Variants in CSNK2A2IP observed in about 807,000 individuals in gnomAD.
The protein encoded by CSNK2A2IP is casein kinase 2 subunit alpha' interacting protein, also known as casein kinase II subunit alpha'-interacting protein.
At chr3:88,435,157 G>A in the CSNK2A2IP span, among the ~76,000 whole-genome samples, 2 of 152,108 alleles carry the variant, frequency 1.3e-5, no homozygotes, top group Non-Finnish European at 2.9e-5. Flanking sequence ...CTTTCTAAAT[G>A]TAAATTGTGA....
At chr3:88,443,562 A>G in the CSNK2A2IP span, among the ~76,000 whole-genome samples, 4 of 152,096 alleles carry the variant, frequency 2.6e-5, no homozygotes, top group Admixed American at 2.6e-4. Context: ...TCTGAAGGTT[A>G]TTTATTCTTT....
the CSNK2A2IP span, among the ~76,000 whole-genome samples, chr3:88,449,803 G>A: frequency 8.6e-6 from 1 of 116,502 alleles, no homozygotes; most frequent in Non-Finnish European, 1.8e-5. Context: ...TTGGAAAAAA[G>A]TTATTTTTTA....
At chr3:88,372,219 A>G in the CSNK2A2IP span, among the ~76,000 whole-genome samples, 1 of 151,798 alleles carries the variant, frequency 6.6e-6, no homozygotes, top group African/African-American at 2.4e-5. Context: ...ACATTGATGT[A>G]TTAGGTTGGT....
At chr3:88,401,607 A>T in the CSNK2A2IP span, among the ~76,000 whole-genome samples, 2 of 152,090 alleles carry the variant, frequency 1.3e-5, no homozygotes, top group Admixed American at 1.3e-4. Context: ...TAGGAGAAAG[A>T]TAGGTTTATT....
chr3:88,365,623 A>G, the CSNK2A2IP span, among the ~76,000 whole-genome samples: 1 of 152,150 alleles, frequency 6.6e-6, no homozygotes, highest in East Asian at 1.9e-4. Context: ...CCTTCCCAAG[A>G]AAAGATCCTT....
chr3:88,422,175 G>A, the CSNK2A2IP span, among the ~76,000 whole-genome samples: 1 of 152,082 alleles, frequency 6.6e-6, no homozygotes, highest in Non-Finnish European at 1.5e-5. Flanking sequence ...GTATCCATTT[G>A]TAAGTAAATT....
At chr3:88,339,111 T>A in the CSNK2A2IP span, among the ~76,000 whole-genome samples, 1 of 152,076 alleles carries the variant, frequency 6.6e-6, no homozygotes, top group Non-Finnish European at 1.5e-5. Context: ...AAATTAGTGT[T>A]AACTATAGTC....
At chr3:88,457,687 C>A in the CSNK2A2IP span, among the ~76,000 whole-genome samples, 2 of 89,710 alleles carry the variant, frequency 2.2e-5, no homozygotes, top group East Asian at 5.3e-4. Context: ...AAGAGTGAGA[C>A]TCAGTCTCAA....
At chr3:88,416,271 TAAA>T in the CSNK2A2IP span, among the ~76,000 whole-genome samples, 1 of 117,980 alleles carries the variant, frequency 8.5e-6, no homozygotes, top group Non-Finnish European at 1.8e-5. Flanking sequence ...GACTCCCTAT[TAAA>T]AAAAAAAAAA....
chr3:88,344,885 TAAAAG>T, the CSNK2A2IP span, among the ~76,000 whole-genome samples: 2 of 151,972 alleles, frequency 1.3e-5, no homozygotes, highest in South Asian at 4.1e-4. Context: ...ACATCTGAAA[TAAAAG>T]AAAAATGCCA....
chr3:88,449,158 T>C, the CSNK2A2IP span, among the ~76,000 whole-genome samples: 1 of 152,194 alleles, frequency 6.6e-6, no homozygotes, highest in South Asian at 2.1e-4. Context: ...TTGTTTTTAT[T>C]TGGTGAACTT....
the CSNK2A2IP span, among the ~76,000 whole-genome samples, chr3:88,442,063 G>C: frequency 1.3e-5 from 2 of 152,166 alleles, no homozygotes; most frequent in African/African-American, 2.4e-5. Context: ...ACCAGATTTA[G>C]AAGGCCAAAA....
At chr3:88,466,188 G>C in the CSNK2A2IP span, 129 of 1,231,386 alleles carry the variant, frequency 1.0e-4, no homozygotes, top group Non-Finnish European at 2.3e-5. Context: ...TTGACTCTAG[G>C]CTTCAGAAAA....
chr3:88,406,941 G>A, the CSNK2A2IP span, among the ~76,000 whole-genome samples: 1 of 152,334 alleles, frequency 6.6e-6, no homozygotes, highest in South Asian at 2.1e-4. Flanking sequence ...GGAGGTGAGG[G>A]GGAGTATTCC....
chr3:88,422,020 TA>T, the CSNK2A2IP span, among the ~76,000 whole-genome samples: 1 of 152,150 alleles, frequency 6.6e-6, no homozygotes, highest in Non-Finnish European at 1.5e-5. Flanking sequence ...ATTAGCAAAA[TA>T]TTGTCCATCT....
chr3:88,449,664 TCAAA>T, the CSNK2A2IP span, among the ~76,000 whole-genome samples: 8,646 of 149,734 alleles, frequency 0.058, 507 homozygotes, highest in East Asian at 0.25. Context: ...TTCTTTTCCA[TCAAA>T]CAATCTACCC....
chr3:88,339,415 G>A, the CSNK2A2IP span, among the ~76,000 whole-genome samples: 1 of 151,950 alleles, frequency 6.6e-6, no homozygotes, highest in East Asian at 1.9e-4. Flanking sequence ...TTGTGTATAT[G>A]TGCCACATTT....
chr3:88,343,356 T>C, the CSNK2A2IP span: 6 of 152,142 alleles, frequency 3.9e-5, no homozygotes, highest in Middle Eastern at 3.4e-3. Flanking sequence ...GGTACAGTGA[T>C]AAGAACTGAG....
At chr3:88,375,309 G>T in the CSNK2A2IP span, among the ~76,000 whole-genome samples, 1 of 151,774 alleles carries the variant, frequency 6.6e-6, no homozygotes. Context: ...GCAAGCCATC[G>T]CTGATCTCCC....
Sources: gnomAD v4.1 joint callset for allele counts (sites outside exome capture counted in the v4.1 genomes callset) on GRCh38, gnomAD v4.1.1 for gene constraint, MANE v1.5 for transcripts, NCBI Gene and HGNC (gene_info 2026-07-23, HGNC 2026-07-21) for gene names.